The following ALKAL2 variants were observed in gnomAD, a reference collection of about 807,000 sequenced individuals.
ALKAL2 encodes AUG-alpha.
In ALKAL2, 8 loss-of-function variants were observed where a neutral mutation model predicts 18.5. That is an observed-to-expected ratio of 0.43 (90% CI 0.25 to 0.78). ALKAL2 has a LOEUF of 0.78. Among genes scored for constraint, ALKAL2 ranks in the 30% least tolerant of loss-of-function variants. ALKAL2 has a pLI of 0.22. For missense variants in ALKAL2, 241 were observed against 211.2 expected, an observed-to-expected ratio of 1.14 and a Z score of -0.88; for synonymous variants, 135 against 95.8, an observed-to-expected ratio of 1.41 and a Z score of -2.39.
Position 286,359 on chromosome 2 carries a change from G to T in ALKAL2, c.254-16C>A, listed in dbSNP as rs1047994205. ...GGAACAATTTCTGTTTCAGGGAAAA[G>T]AAAGTATTATATTACCTGAAGGACG... On this transcript the variant is annotated splice_polypyrimidine_tract_variant and intron_variant, in intron 2 of 5. Transcript: ENST00000403610. 7 of 1,596,502 alleles carry T rather than the reference G, an allele frequency of 4.4e-6. No homozygotes were observed. The highest frequency in any genetic ancestry group is 4.5e-5 in the East Asian group (2 of 44,760).
At position 288,034 on chromosome 2, in the gene ALKAL2, A is replaced by G. The variant is rs1259313368; in HGVS notation, c.-79T>C. 3 of 1,219,040 alleles carry G rather than the reference A, an allele frequency of 2.5e-6. No individual in the cohort carries two copies. The South Asian group carries it at 1.2e-4, about 48-fold the overall frequency. 75.5% of individuals were successfully genotyped at this position (1,219,040 alleles called of 1,614,324 possible). ...TCACCTCCGCGGACCCCGAGGAACA[A>G]GCCGGCAGGTGAGGGAGCCGCGGTC... On this transcript the variant is annotated 5_prime_UTR_variant, in exon 1 of 6. Transcript: ENST00000403610.
intron 4 of ALKAL2, 103 bp downstream of exon 4, chr2:286,020 A>C: frequency 9.8e-7 from 1 of 1,018,774 alleles, no homozygotes; most frequent in Non-Finnish European, 1.5e-6. Context: ...GGAATAGGCA[A>C]ATTTGAGCTA....
intron 5 of ALKAL2, among the ~76,000 whole-genome samples, chr2:280,803 A>G (rs144295061): frequency 7.5e-4 from 115 of 152,344 alleles, no homozygotes; most frequent in African/African-American, 2.7e-3. Flanking sequence ...AGGTCTATTA[A>G]TGAGCTTCAG....
chr2:286,319 A>C lies in ALKAL2; in HGVS notation c.278T>G (p.Met93Arg). The C allele has an allele frequency of 6.2e-7, 1 of 1,612,320 alleles. No homozygotes were observed. Among genetic ancestry groups the C allele is most frequent in the Non-Finnish European group, 8.5e-7 (1 of 1,179,168 alleles). The change falls in exon 3 of 6, where the codon ATG becomes AGG. Residue 93 changes from methionine (M) to arginine (R), a missense_variant. Met to Arg is a moderately conservative substitution (Grantham distance 91). Transcript: ENST00000403610. ...RVEIVPRDLR[M>R]KDKFLKHLTG... is the part of the protein sequence containing the mutation. ...AAGGTGTTTTAGAAACTTGTCCTTCATCCTCAGATCTCGAGGAACAATTTC... is the reference window on the plus strand; with the variant it reads ...AAGGTGTTTTAGAAACTTGTCCTTCCTCCTCAGATCTCGAGGAACAATTTC...
Position 287,735 on chromosome 2 carries a change from C to T in ALKAL2, c.101G>A (p.Gly34Glu). Reference sequence around the variant, plus strand: ...CACCACCAGCCGCAGCAGCGCCTGTCCGTCCGCCGGCTCCCGGGGCTCCGC... The same window carrying T: ...CACCACCAGCCGCAGCAGCGCCTGTTCGTCCGCCGGCTCCCGGGGCTCCGC... ...GGAEPREPAD[G>E]QALLRLVVEL... The change falls in exon 2 of 6, where the codon GGA (glycine) becomes GAA (glutamate). Residue 34 changes from glycine to glutamate, a missense_variant. Transcript: ENST00000403610. The T allele has an allele frequency of 1.4e-6, 2 of 1,460,796 alleles. No homozygotes were observed. Among genetic ancestry groups the T allele is most frequent in the Non-Finnish European group, 1.8e-6 (2 of 1,111,006 alleles). The allele number at this position is 1,460,796 out of a possible 1,614,324, so 90.5% of individuals were successfully genotyped here. A position where few individuals can be genotyped will look rare whatever the true frequency, so the allele number is the denominator to read the frequency against.
intron 5 of ALKAL2, among the ~76,000 whole-genome samples, chr2:280,659 A>G (rs1268095066): frequency 6.6e-6 from 1 of 152,208 alleles, no homozygotes; most frequent in Non-Finnish European, 1.5e-5. Flanking sequence ...TGTACTCACT[A>G]CTCAAAACTC....
rs1208782192 is a variant in ALKAL2, at chr2:287,761, G to A, written c.75C>T (p.Gly25=). 2.1e-6 allele frequency: 3 copies of A among 1,431,124 alleles called. No individual in the cohort carries two copies. Among genetic ancestry groups the A allele is most frequent in the South Asian group, 1.4e-5 (1 of 69,802 alleles). 88.7% of individuals were successfully genotyped at this position (1,431,124 alleles called of 1,614,324 possible). A position where few individuals can be genotyped will look rare whatever the true frequency, so the allele number is the denominator to read the frequency against. The change falls in exon 2 of 6, where the codon GGC becomes GGT. Residue 25 remains glycine (G), a synonymous_variant. Coordinates refer to ENST00000403610, the MANE Select transcript of ALKAL2 (RefSeq NM_001002919.3). Reference sequence around the variant, plus strand: ...CGTCCGCCGGCTCCCGGGGCTCCGCGCCCCCCCGGCCGCGCCCCGCCGCCC... The same window carrying A: ...CGTCCGCCGGCTCCCGGGGCTCCGCACCCCCCCGGCCGCGCCCCGCCGCCC... ...VLGAAGRGRG[G]AEPREPADGQ... is the part of the protein sequence containing the mutation.
intron 2 of ALKAL2, 133 bp downstream of exon 2, chr2:287,448 TAA>T (rs67240058): frequency 0.056 from 24,676 of 437,756 alleles, 159 homozygotes; most frequent in African/African-American, 0.06. Context: ...TTCTTTTTCT[TAA>T]AAAAAAAAAA....
chr2:280,952 A>T (rs1170274016), intron 5 of ALKAL2, among the ~76,000 whole-genome samples: 1 of 152,230 alleles, frequency 6.6e-6, no homozygotes, highest in African/African-American at 2.4e-5. Flanking sequence ...CTTGTGTGTC[A>T]GGACAGAAGT....
intron 5 of ALKAL2, 112 bp from the exon 6 acceptor site, chr2:280,264 C>T: frequency 8.6e-7 from 1 of 1,162,104 alleles, no homozygotes; most frequent in Non-Finnish European, 1.3e-6. Flanking sequence ...CATAGGCAGT[C>T]TCAGAGTGCA....
chr2:287,269 G>C (rs996602787), intron 2 of ALKAL2: 1 of 271,986 alleles, frequency 3.7e-6, no homozygotes, highest in Non-Finnish European at 6.8e-6. Flanking sequence ...GAAGGAGCCT[G>C]GATGCTTCCT....
At chr2:283,679 G>T in intron 4 of ALKAL2, 6 of 702,880 alleles carry the variant, frequency 8.5e-6, no homozygotes, top group Non-Finnish European at 1.0e-5. Flanking sequence ...GTTTCTAAGC[G>T]CTGGCTGATA....
intron 5 of ALKAL2, among the ~76,000 whole-genome samples, chr2:282,279 A>G (rs1446661304): frequency 6.6e-6 from 1 of 152,246 alleles, no homozygotes; most frequent in Non-Finnish European, 1.5e-5. Context: ...TCCATTTTAC[A>G]TGAGAGAAAC....
rs536705328 is a variant in ALKAL2 at position 283,510 on chromosome 2, C to T, written c.389-335G>A. 75 of 985,424 alleles carry T rather than the reference C, an allele frequency of 7.6e-5. No individual in the cohort carries two copies. In the African/African-American group the frequency reaches 8.9e-4, roughly 12 times the overall value. The allele number at this position is 985,424 out of a possible 1,614,324, so 61.0% of individuals were successfully genotyped here. A position where few individuals can be genotyped will look rare whatever the true frequency, so the allele number is the denominator to read the frequency against. ...TTCGCTTCCTACGTGACAATCCTTCCGTACCCTTGTGCTACTTTCAGGTCA... is the reference window on the plus strand; with the variant it reads ...TTCGCTTCCTACGTGACAATCCTTCTGTACCCTTGTGCTACTTTCAGGTCA... On this transcript the variant is annotated intron_variant, in intron 4 of 5. Transcript: ENST00000403610.
chr2:283,238 T>TC, intron 4 of ALKAL2, 63 bp from the exon 5 acceptor site: 1 of 1,564,128 alleles, frequency 6.4e-7, no homozygotes, highest in South Asian at 1.2e-5. Context: ...CGCATTTTTT[T>TC]GCAAGTATAT....
chr2:287,383 AAGG>A (rs374418685), intron 2 of ALKAL2, 197 bp downstream of exon 2: 44 of 423,626 alleles, frequency 1.0e-4, no homozygotes, highest in African/African-American at 6.9e-4. Flanking sequence ...CGCGCGCCAG[AAGG>A]AGACCAGGCG....
At chr2:284,987 C>G (rs943038000) in intron 4 of ALKAL2, among the ~76,000 whole-genome samples, 2 of 152,088 alleles carry the variant, frequency 1.3e-5, no homozygotes, top group Admixed American at 6.6e-5. Context: ...GGGCCCAGCA[C>G]CAAGAATATA....
At chr2:287,929 T>C in intron 1 of ALKAL2, 37 bp from the exon 2 acceptor site, 1 of 1,139,002 alleles carries the variant, frequency 8.8e-7, no homozygotes, top group Non-Finnish European at 1.1e-6. Flanking sequence ...GGAGAGAAAG[T>C]CAGCGGGGGA....
chr2:283,228 C>G lies in ALKAL2; in HGVS notation c.389-53G>C, dbSNP rs1000823470. ...TCAGTTACTTAAAAAACAAATAAAT[C>G]GCATTTTTTTGCAAGTATATCAGCT... On this transcript the variant is annotated intron_variant, in intron 4 of 5. Coordinates refer to ENST00000403610, the MANE Select transcript of ALKAL2 (RefSeq NM_001002919.3). 52 of 1,452,682 alleles carry G rather than the reference C, an allele frequency of 3.6e-5. No individual in the cohort carries two copies. The African/African-American group carries it at 1.3e-3, about 36-fold the overall frequency. 90.0% of individuals were successfully genotyped at this position (1,452,682 alleles called of 1,614,324 possible).
Sources: gnomAD v4.1 joint callset for allele counts (sites outside exome capture counted in the v4.1 genomes callset) on GRCh38, gnomAD v4.1.1 for gene constraint, MANE v1.5 for transcripts, NCBI Gene and HGNC (gene_info 2026-07-23, HGNC 2026-07-21) for gene names.